ARB2A: variants seen among roughly 807,000 people sequenced by gnomAD.
The protein encoded by ARB2A is cotranscriptional regulator ARB2A.
the ARB2A span, among the ~76,000 whole-genome samples, chr5:94,109,845 C>T: frequency 6.7e-6 from 1 of 149,244 alleles, no homozygotes; most frequent in East Asian, 2.0e-4. Context: ...CTCTATCATT[C>T]TCTCTCCCCT....
chr5:93,865,558 T>C, the ARB2A span: 2 of 985,300 alleles, frequency 2.0e-6, no homozygotes, highest in African/African-American at 3.5e-5. Context: ...TTGAAAGTAC[T>C]AAAAGAAGTT....
the ARB2A span, chr5:93,784,332 T>C: frequency 9.0e-6 from 12 of 1,329,018 alleles, no homozygotes. Flanking sequence ...GGGCTCAAGA[T>C]ATAAAGGCTC....
the ARB2A span, among the ~76,000 whole-genome samples, chr5:93,752,939 A>C: frequency 6.6e-6 from 1 of 152,222 alleles, no homozygotes; most frequent in East Asian, 1.9e-4. Context: ...TTAACTCTAC[A>C]GTAATAAAAA....
At chr5:93,803,116 G>A in the ARB2A span, among the ~76,000 whole-genome samples, 22 of 152,058 alleles carry the variant, frequency 1.4e-4, no homozygotes, top group African/African-American at 5.3e-4. Context: ...TTAGATAGGT[G>A]ATAGTGAAAA....
At chr5:93,830,417 A>G in the ARB2A span, among the ~76,000 whole-genome samples, 6 of 148,624 alleles carry the variant, frequency 4.0e-5, no homozygotes, top group South Asian at 2.2e-4. Context: ...TGGAAGAATG[A>G]TAAGTATGCC....
At chr5:93,752,698 C>G in the ARB2A span, among the ~76,000 whole-genome samples, 5 of 151,942 alleles carry the variant, frequency 3.3e-5, no homozygotes, top group Admixed American at 3.3e-4. Context: ...ATTATATATA[C>G]TAGTGATCTA....
the ARB2A span, among the ~76,000 whole-genome samples, chr5:93,705,511 G>A: frequency 1.3e-5 from 2 of 151,790 alleles, no homozygotes; most frequent in African/African-American, 4.8e-5. Context: ...ACTATTTTAA[G>A]GCGCATCAGA....
chr5:93,874,732 G>A, the ARB2A span, among the ~76,000 whole-genome samples: 1 of 152,242 alleles, frequency 6.6e-6, no homozygotes, highest in East Asian at 1.9e-4. Flanking sequence ...GTCTGAAACA[G>A]GGGCAGTCTT....
chr5:93,811,746 T>C, the ARB2A span, among the ~76,000 whole-genome samples: 1 of 152,134 alleles, frequency 6.6e-6, no homozygotes, highest in African/African-American at 2.4e-5. Flanking sequence ...TGAGATAAAG[T>C]ATACAAATTG....
At chr5:93,824,211 C>T in the ARB2A span, 2 of 1,593,374 alleles carry the variant, frequency 1.3e-6, no homozygotes, top group Non-Finnish European at 1.7e-6. Flanking sequence ...CAGCAGCAGC[C>T]TGAGCTATGA....
chr5:94,104,472 C>G, the ARB2A span, among the ~76,000 whole-genome samples: 5 of 151,774 alleles, frequency 3.3e-5, no homozygotes, highest in Non-Finnish European at 7.4e-5. Flanking sequence ...AAATTGAAAC[C>G]CTGAACAGAC....
At chr5:93,996,194 TG>T in the ARB2A span, among the ~76,000 whole-genome samples, 8 of 152,088 alleles carry the variant, frequency 5.3e-5, no homozygotes, top group African/African-American at 7.2e-5. Flanking sequence ...TATCTATGTA[TG>T]TCTACCTAAA....
chr5:93,921,832 C>T, the ARB2A span, among the ~76,000 whole-genome samples: 1 of 152,124 alleles, frequency 6.6e-6, no homozygotes, highest in South Asian at 2.1e-4. Flanking sequence ...AGATTGGTTC[C>T]ATCAATGCTT....
At chr5:93,843,519 G>A in the ARB2A span, among the ~76,000 whole-genome samples, 42 of 150,810 alleles carry the variant, frequency 2.8e-4, no homozygotes, top group Admixed American at 2.8e-3. Flanking sequence ...GACCTCCCGG[G>A]CTCAAGTGAT....
the ARB2A span, among the ~76,000 whole-genome samples, chr5:94,097,574 T>C: frequency 7.9e-5 from 12 of 152,212 alleles, no homozygotes; most frequent in Admixed American, 2.0e-4. Flanking sequence ...TCTCTCTCTT[T>C]GCCTGCTGCC....
chr5:93,917,058 T>A, the ARB2A span, among the ~76,000 whole-genome samples: 3 of 152,216 alleles, frequency 2.0e-5, no homozygotes, highest in Non-Finnish European at 4.4e-5. Context: ...TCTCATTTAA[T>A]CCTCATTAAT....
At chr5:93,722,446 T>G in the ARB2A span, among the ~76,000 whole-genome samples, 2 of 152,108 alleles carry the variant, frequency 1.3e-5, no homozygotes, top group African/African-American at 4.8e-5. Flanking sequence ...AGCCTGAGAT[T>G]AAGACTGCAA....
chr5:94,010,112 T>C, the ARB2A span, among the ~76,000 whole-genome samples: 2 of 152,102 alleles, frequency 1.3e-5, no homozygotes, highest in Non-Finnish European at 2.9e-5. Context: ...CTCTTCTTTA[T>C]GTAATTTCTT....
chr5:93,784,317 G>T, the ARB2A span: 3 of 1,051,664 alleles, frequency 2.9e-6, no homozygotes, highest in Non-Finnish European at 4.4e-6. Flanking sequence ...GTTACAGGTT[G>T]GTGGGGGCTC....
Sources: gnomAD v4.1 joint callset for allele counts (sites outside exome capture counted in the v4.1 genomes callset) on GRCh38, gnomAD v4.1.1 for gene constraint, MANE v1.5 for transcripts, NCBI Gene and HGNC (gene_info 2026-07-23, HGNC 2026-07-21) for gene names.